Variants in SLC26A7 observed in about 807,000 individuals in gnomAD.
The protein encoded by SLC26A7 is solute carrier family 26 member 7, also known as anion exchange transporter.
A neutral mutation model predicts 82.5 loss-of-function variants in SLC26A7; 59 were observed. The observed-to-expected ratio is 0.72, with a 90% CI of 0.58 to 0.89. SLC26A7 has a LOEUF of 0.89. SLC26A7 is among the 40% of genes least tolerant of loss of function. SLC26A7 has a pLI of 0.00. For synonymous variants in SLC26A7, 271 were observed against 274.3 expected, an observed-to-expected ratio of 0.99 and a Z score of 0.12; for missense variants, 820 against 793.0, an observed-to-expected ratio of 1.03 and a Z score of -0.41.
rs951664984 is a variant in SLC26A7, at chr8:91,317,004, A to G, written c.478-1212A>G. ...CCCTGTCTCTAAAAAAAAAAAAAAAAAAAAAAAAAAAAAAAAAGCCAGGCA... is the reference window on the plus strand; with the variant it reads ...CCCTGTCTCTAAAAAAAAAAAAAAAGAAAAAAAAAAAAAAAAAGCCAGGCA... On this transcript the variant is annotated intron_variant, in intron 4 of 18. Transcript: ENST00000276609. Among the ~76,000 whole-genome samples the G allele has an allele frequency of 3.3e-3, 467 of 141,516 alleles. 1 individual carries two copies. The highest frequency in any genetic ancestry group is 0.013 in the African/African-American group (453 of 34,852). The allele number at this position is 141,516 out of a possible 152,430, so 92.8% of individuals were successfully genotyped here. A position where few individuals can be genotyped will look rare whatever the true frequency, so the allele number is the denominator to read the frequency against.
upstream of SLC26A7, among the ~76,000 whole-genome samples, chr8:91,245,677 A>G (rs1412128270): frequency 1.3e-5 from 2 of 152,178 alleles, no homozygotes; most frequent in Admixed American, 6.5e-5. Context: ...CTCCACAGAG[A>G]CCACATTCAA....
intron 7 of SLC26A7, among the ~76,000 whole-genome samples, chr8:91,338,970 A>T (rs974125675): frequency 6.6e-6 from 1 of 152,150 alleles, no homozygotes; most frequent in African/African-American, 2.4e-5. Context: ...TAATTACATG[A>T]AAATGGAGAA....
intron 16 of SLC26A7, among the ~76,000 whole-genome samples, chr8:91,391,851 T>C (rs1185975540): frequency 1.3e-5 from 2 of 152,100 alleles, no homozygotes; most frequent in Non-Finnish European, 2.9e-5. Flanking sequence ...TTGTTGTTGT[T>C]GTTGTTCAAT....
chr8:91,219,192 T>C, intron 2 of SLC26A7: 1 of 381,130 alleles, frequency 2.6e-6, no homozygotes, highest in Non-Finnish European at 4.7e-6. Flanking sequence ...AGATTCTAGG[T>C]GTGCTTTTTT....
chr8:91,211,715 C>T (rs1424961372), intron 1 of SLC26A7, among the ~76,000 whole-genome samples: 1 of 150,362 alleles, frequency 6.7e-6, no homozygotes, highest in Non-Finnish European at 1.5e-5. Flanking sequence ...AGACTGCTGA[C>T]CTTTAGAGCA....
rs1444544789 is a variant in SLC26A7, at chr8:91,289,258, T to C, written c.304+12T>C. 2 of 1,572,500 alleles carry C rather than the reference T, an allele frequency of 1.3e-6. No individual in the cohort carries two copies. Among genetic ancestry groups the C allele is most frequent in the South Asian group, 1.1e-5 (1 of 90,202 alleles). ...TCATGTTGCCACAGGTAATAATTCC[T>C]ATGTTTATGCTTCTAATGTTACTCG... On this transcript the variant is annotated intron_variant, in intron 3 of 18. Transcript: ENST00000276609.
At chr8:91,374,123 C>G (rs1214302488) in intron 15 of SLC26A7, among the ~76,000 whole-genome samples, 1 of 151,306 alleles carries the variant, frequency 6.6e-6, no homozygotes, top group African/African-American at 2.4e-5. Flanking sequence ...TCTTTTTTTT[C>G]TTTTGGTTTA....
At chr8:91,264,580 C>T (rs1252722977) in intron 2 of SLC26A7, among the ~76,000 whole-genome samples, 1 of 151,970 alleles carries the variant, frequency 6.6e-6, no homozygotes, top group East Asian at 1.9e-4. Context: ...CAGTCCTCCC[C>T]ATGATGTTGT....
intron 15 of SLC26A7, among the ~76,000 whole-genome samples, chr8:91,378,350 CATT>C (rs1305152920): frequency 2.1e-5 from 3 of 144,436 alleles, no homozygotes; most frequent in Non-Finnish European, 4.5e-5. Context: ...TATATAATTA[CATT>C]ATAATGTATA....
chr8:91,288,456 A>G (rs983309276), intron 2 of SLC26A7, among the ~76,000 whole-genome samples: 5 of 152,228 alleles, frequency 3.3e-5, no homozygotes, highest in Admixed American at 2.0e-4. Flanking sequence ...CCAACTATGT[A>G]GGCAATAGTC....
chr8:91,322,144 G>A (rs1812807717), intron 5 of SLC26A7, among the ~76,000 whole-genome samples: 2 of 152,060 alleles, frequency 1.3e-5, no homozygotes, highest in South Asian at 2.1e-4. Context: ...ACAAACTTAT[G>A]TGTATTTTAA....
At chr8:91,255,270 G>T (rs894345864) in intron 2 of SLC26A7, among the ~76,000 whole-genome samples, 1 of 152,094 alleles carries the variant, frequency 6.6e-6, no homozygotes, top group Non-Finnish European at 1.5e-5. Context: ...ACAAAAGATG[G>T]ATGTTCCTTA....
chr8:91,391,982 T>C (rs16912768), intron 16 of SLC26A7, among the ~76,000 whole-genome samples: 12,810 of 152,196 alleles, frequency 0.084, 841 homozygotes, highest in African/African-American at 0.19. Context: ...TTAGGATCCA[T>C]GGCTGACAAT....
upstream of SLC26A7, among the ~76,000 whole-genome samples, chr8:91,244,324 T>C (rs1376202359): frequency 6.6e-6 from 1 of 152,084 alleles, no homozygotes; most frequent in Admixed American, 6.5e-5. Flanking sequence ...CTTTCTCCTC[T>C]TCCTTTTCTT....
intron 2 of SLC26A7, among the ~76,000 whole-genome samples, chr8:91,250,775 G>T (rs900311170): frequency 1.3e-5 from 2 of 151,982 alleles, no homozygotes; most frequent in Admixed American, 1.3e-4. Flanking sequence ...TCTGTAGCTG[G>T]AACAAACTGG....
At chr8:91,319,879 G>A (rs2130810563) in intron 5 of SLC26A7, among the ~76,000 whole-genome samples, 1 of 152,248 alleles carries the variant, frequency 6.6e-6, no homozygotes, top group Admixed American at 6.5e-5. Context: ...AAGAAGCAGG[G>A]TAGCCTGCTG....
At chr8:91,231,994 A>G (rs907199119) in intron 2 of SLC26A7, among the ~76,000 whole-genome samples, 4 of 152,152 alleles carry the variant, frequency 2.6e-5, no homozygotes, top group Non-Finnish European at 5.9e-5. Flanking sequence ...TTCATCTATT[A>G]TTTTGTATAA....
intron 11 of SLC26A7, among the ~76,000 whole-genome samples, chr8:91,361,321 CTCCT>C (rs767235554): frequency 3.3e-5 from 5 of 152,246 alleles, no homozygotes; most frequent in Non-Finnish European, 7.4e-5. Context: ...AACAGTTGCA[CTCCT>C]TCCCTCCCCA....
At chr8:91,243,499 GAGA>G (rs1810501548) in intron 2 of SLC26A7, among the ~76,000 whole-genome samples, 1 of 152,206 alleles carries the variant, frequency 6.6e-6, no homozygotes, top group Non-Finnish European at 1.5e-5. Context: ...ATAGGCTGAA[GAGA>G]AGGAGCTGAG....
Sources: allele counts gnomAD v4.1 joint callset (sites outside exome capture counted in the v4.1 genomes callset), GRCh38; gene constraint gnomAD v4.1.1; transcripts MANE v1.5; gene names NCBI Gene and HGNC (gene_info 2026-07-23, HGNC 2026-07-21).